The following STT3B variants were observed in gnomAD, a reference collection of about 807,000 sequenced individuals.
STT3B encodes the protein STT3 oligosaccharyltransferase complex catalytic subunit B, also known as dolichyl-diphosphooligosaccharide--protein glycosyltransferase subunit STT3B.
In STT3B, 29 loss-of-function variants were observed where a neutral mutation model predicts 96.8. The ratio of observed to expected loss-of-function variants is 0.30; its 90% CI spans 0.22 to 0.41. STT3B has a LOEUF of 0.41. Among genes scored for constraint, STT3B ranks in the 10% least tolerant of loss-of-function variants. The pLI is 1.00. For missense variants in STT3B, 640 were observed against 1,022.3 expected, an observed-to-expected ratio of 0.63 and a Z score of 5.10; for synonymous variants, 367 against 360.0, an observed-to-expected ratio of 1.02 and a Z score of -0.22.
intron 5 of STT3B, among the ~76,000 whole-genome samples, chr3:31,610,646 TCTC>T (rs1699161905): frequency 6.6e-6 from 1 of 152,194 alleles, no homozygotes; most frequent in African/African-American, 2.4e-5. Flanking sequence ...GTATATTTCT[TCTC>T]TATATCTGTC....
intron 5 of STT3B, among the ~76,000 whole-genome samples, chr3:31,611,488 A>T (rs1267137571): frequency 1.3e-5 from 2 of 152,118 alleles, no homozygotes; most frequent in Non-Finnish European, 2.9e-5. Flanking sequence ...TTCATTTTGC[A>T]GTGGAGATTG....
Position 31,636,211 on chromosome 3 carries a change from TAAA to T in STT3B, c.*152_*154del, listed in dbSNP as rs759853687. 2 of 512,524 alleles carry T rather than the reference TAAA, an allele frequency of 3.9e-6. No homozygotes were observed. The highest frequency in any genetic ancestry group is 6.8e-6 in the Non-Finnish European group (2 of 294,182). The allele number at this position is 512,524 out of a possible 1,614,324, so 31.7% of individuals were successfully genotyped here. Reference sequence around the variant, plus strand: ...ACAAAATTTTCTGGCAATGCCTGATTAAAAAAATAAAATTGGCTTGTTGAGAAC... The same window carrying T: ...ACAAAATTTTCTGGCAATGCCTGATTAAAATAAAATTGGCTTGTTGAGAAC... On this transcript the variant is annotated 3_prime_UTR_variant, in exon 16 of 16. Transcript: ENST00000295770.
intron 1 of STT3B, among the ~76,000 whole-genome samples, chr3:31,563,899 G>A (rs1257417733): frequency 2.0e-5 from 3 of 152,024 alleles, no homozygotes; most frequent in East Asian, 1.9e-4. Flanking sequence ...TCCACCTCCC[G>A]GGTTCAAGCA....
At chr3:31,591,034 C>T (rs1003971833) in intron 3 of STT3B, among the ~76,000 whole-genome samples, 9 of 151,978 alleles carry the variant, frequency 5.9e-5, no homozygotes, top group African/African-American at 2.2e-4. Flanking sequence ...ATATGCTCAT[C>T]GTTTTTCTTT....
intron 1 of STT3B, among the ~76,000 whole-genome samples, chr3:31,556,792 C>G (rs1376584152): frequency 4.6e-5 from 7 of 151,908 alleles, no homozygotes; most frequent in Admixed American, 2.0e-4. Context: ...CATATTAGTC[C>G]CTTGTTGAAT....
At chr3:31,581,466 A>G (rs913274984) in intron 3 of STT3B, among the ~76,000 whole-genome samples, 1 of 152,222 alleles carries the variant, frequency 6.6e-6, no homozygotes, top group African/African-American at 2.4e-5. Context: ...CAACAGAAAA[A>G]TACAAAGAAA....
chr3:31,633,091 G>A lies in STT3B; in HGVS notation c.2344G>A (p.Asp782Asn). The A allele has an allele frequency of 6.2e-7, 1 of 1,614,038 alleles. No individual in the cohort carries two copies. The highest frequency in any genetic ancestry group is 8.5e-7 in the Non-Finnish European group (1 of 1,179,960). Reference protein sequence around the residue: ...VKAPDNRETLDHKPRVTNIFP... With the variant: ...VKAPDNRETLNHKPRVTNIFP... ...AGCACCTGATAACAGGGAGACATTA[G>A]ATCACAAACCTCGAGTCACCAACAT... Residue 782 changes from aspartate (D) to asparagine (N), a missense_variant, in exon 15 of 16, where the codon GAT becomes AAT. By Grantham distance (23) the Asp-to-Asn change is conservative. This residue lies in a region of STT3B where 51 missense variants were observed against 64.2 expected (regional missense o/e 0.79). Coordinates refer to ENST00000295770, the MANE Select transcript of STT3B (RefSeq NM_178862.3).
chr3:31,617,941 T>C lies in STT3B; in HGVS notation c.1125T>C (p.Gly375=). ...TTCATCCATGTTTTTCCTTCCAAGG[T>C]TACATTGCACCATGGAGTGGCAGGT... ...FLSVIYLTYT[G]YIAPWSGRFY... is the part of the protein sequence containing the mutation. The change falls in exon 8 of 16, where the codon GGT becomes GGC. Residue 375 remains glycine, a splice_region_variant and synonymous_variant. Transcript: ENST00000295770. The C allele has an allele frequency of 6.2e-7, 1 of 1,603,244 alleles. No individual in the cohort carries two copies.
At chr3:31,590,448 C>G (rs1698641353) in intron 3 of STT3B, among the ~76,000 whole-genome samples, 1 of 151,750 alleles carries the variant, frequency 6.6e-6, no homozygotes, top group African/African-American at 2.4e-5. Context: ...GTATTTACTT[C>G]TTTAGCTGTA....
At chr3:31,533,859 TGCAGTTTTAC>T (rs906530682) in intron 1 of STT3B, among the ~76,000 whole-genome samples, 24 of 152,372 alleles carry the variant, frequency 1.6e-4, no homozygotes, top group African/African-American at 5.8e-4. Context: ...TGCTCACCCT[TGCAGTTTTAC>T]GCTTTTACTG....
chr3:31,550,870 T>C (rs577468152), intron 1 of STT3B, among the ~76,000 whole-genome samples: 1 of 152,240 alleles, frequency 6.6e-6, no homozygotes, highest in South Asian at 2.1e-4. Flanking sequence ...ATCCTGCCAC[T>C]AGATGGCAGG....
chr3:31,550,707 G>A (rs559780698), intron 1 of STT3B, among the ~76,000 whole-genome samples: 1 of 152,078 alleles, frequency 6.6e-6, no homozygotes, highest in Non-Finnish European at 1.5e-5. Flanking sequence ...TATAAAATTG[G>A]CTATGTTTAA....
intron 3 of STT3B, among the ~76,000 whole-genome samples, chr3:31,593,432 G>A (rs1293350551): frequency 2.6e-5 from 4 of 151,550 alleles, no homozygotes; most frequent in Non-Finnish European, 4.4e-5. Flanking sequence ...GTAGTTCTCT[G>A]TATTTATTGT....
intron 1 of STT3B, among the ~76,000 whole-genome samples, chr3:31,541,071 G>C (rs2125434816): frequency 6.6e-6 from 1 of 152,276 alleles, no homozygotes; most frequent in East Asian, 1.9e-4. Flanking sequence ...CTCTTGTACA[G>C]TTATATTCTT....
intron 3 of STT3B, among the ~76,000 whole-genome samples, chr3:31,584,247 G>A (rs138085699): frequency 8.7e-4 from 132 of 152,220 alleles, no homozygotes; most frequent in Non-Finnish European, 1.5e-3. Context: ...GTTTATTTCT[G>A]GACTCTCAAT....
At chr3:31,617,134 A>G in intron 7 of STT3B, 59 bp downstream of exon 7, 4 of 1,319,280 alleles carry the variant, frequency 3.0e-6, no homozygotes, top group Non-Finnish European at 4.0e-6. Flanking sequence ...TAAGAAAAAT[A>G]GCCAAAGTTT....
chr3:31,538,530 T>G (rs145930705), intron 1 of STT3B, among the ~76,000 whole-genome samples: 75 of 152,264 alleles, frequency 4.9e-4, no homozygotes, highest in African/African-American at 1.8e-3. Flanking sequence ...AGGTGTAATT[T>G]ATGTGAAACT....
chr3:31,574,735 AG>A lies in STT3B; in HGVS notation c.315-1660del, dbSNP rs200887857. 7.9e-5 allele frequency among the ~76,000 whole-genome samples: 12 copies of A among 152,250 alleles called. No homozygotes were observed. The East Asian group carries it at 2.3e-3, about 29-fold the overall frequency. On this transcript the variant is annotated intron_variant, in intron 1 of 15. Transcript: ENST00000295770. The stretch of plus-strand genomic sequence containing the variant: ...GGATATATTACTCCTTTGCCTTATT[AG>A]CAATCCAGTGGTTCCACTGAGAAGG...
intron 4 of STT3B, 76 bp downstream of exon 4, chr3:31,596,939 C>A: frequency 9.2e-7 from 1 of 1,089,158 alleles, no homozygotes; most frequent in Middle Eastern, 2.1e-4. Flanking sequence ...CTCCTGAAGT[C>A]TGTAGGATTT....
Sources: gnomAD v4.1 joint callset for allele counts (sites outside exome capture counted in the v4.1 genomes callset) on GRCh38, gnomAD v4.1.1 for gene constraint, gnomAD v4.1.1 regional missense constraint, MANE v1.5 for transcripts, NCBI Gene and HGNC (gene_info 2026-07-23, HGNC 2026-07-21) for gene names.